DGKB: variants seen among roughly 807,000 people sequenced by gnomAD.
DGKB encodes the protein 90 kDa diacylglycerol kinase.
A neutral mutation model predicts 114.3 loss-of-function variants in DGKB; 67 were observed. That is an observed-to-expected ratio of 0.59 (90% CI 0.48 to 0.72). The LOEUF is 0.72. Ranked by LOEUF, DGKB falls within the 30% of genes least tolerant of loss-of-function variation. The probability of loss-of-function intolerance (pLI) is 0.00; values close to 1 mark genes in which losing one functional copy is unlikely to be tolerated. For missense variants in DGKB, 907 were observed against 975.2 expected (o/e 0.93, Z 0.93); for synonymous variants, 398 against 323.1 (o/e 1.23, Z -2.49).
chr7:14,339,460 A>G (rs1811251402), intron 22 of DGKB, among the ~76,000 whole-genome samples: 1 of 152,000 alleles, frequency 6.6e-6, no homozygotes, highest in Non-Finnish European at 1.5e-5. Flanking sequence ...AAGGTTAATC[A>G]GCCCAATTTT....
At chr7:14,658,228 A>C (rs1816259353) in intron 13 of DGKB, among the ~76,000 whole-genome samples, 1 of 151,972 alleles carries the variant, frequency 6.6e-6, no homozygotes, top group African/African-American at 2.4e-5. Flanking sequence ...ACAGTGAAGA[A>C]AAAAGAGATG....
intron 20 of DGKB, among the ~76,000 whole-genome samples, chr7:14,486,562 C>T (rs565426541): frequency 6.6e-6 from 1 of 152,302 alleles, no homozygotes; most frequent in African/African-American, 2.4e-5. Flanking sequence ...TGCTTTATAT[C>T]CTCTCATCTA....
chr7:14,955,314 G>A (rs1450378269), intron 1 of DGKB, among the ~76,000 whole-genome samples: 1 of 151,948 alleles, frequency 6.6e-6, no homozygotes, highest in Non-Finnish European at 1.5e-5. Flanking sequence ...CAAAATTAGT[G>A]CTTCTTAATT....
intron 2 of DGKB, among the ~76,000 whole-genome samples, chr7:14,837,038 A>C (rs1286427351): frequency 6.6e-6 from 1 of 152,172 alleles, no homozygotes; most frequent in Non-Finnish European, 1.5e-5. Flanking sequence ...CACGGCTCTC[A>C]TTACTTCATA....
rs1183502514 is a variant in DGKB at position 14,313,694 on chromosome 7, G to C, written c.2122+24821C>G. 4.5e-4 allele frequency among the ~76,000 whole-genome samples: 68 copies of C among 152,126 alleles called. 1 individual carries two copies. Among genetic ancestry groups the C allele is most frequent in the South Asian group, 4.2e-3 (20 of 4,818 alleles). ...TGAGATCAAACTGCAAGGCGGCAGC[G>C]AGGCTGGGGGAGGGGCGCCCGCCAT... On this transcript the variant is annotated intron_variant, in intron 23 of 25. Coordinates refer to ENST00000402815, the MANE Select transcript of DGKB (RefSeq NM_001350709.2).
At chr7:14,826,793 T>G (rs1023399593) in intron 2 of DGKB, among the ~76,000 whole-genome samples, 1 of 152,172 alleles carries the variant, frequency 6.6e-6, no homozygotes, top group Admixed American at 6.6e-5. Context: ...TAGTTAAAAT[T>G]TAGGCATAAT....
intron 13 of DGKB, among the ~76,000 whole-genome samples, chr7:14,648,074 G>T (rs1317953980): frequency 3.9e-5 from 6 of 152,178 alleles, no homozygotes; most frequent in African/African-American, 1.4e-4. Flanking sequence ...GGGGAGGGGC[G>T]CCCACCATTG....
chr7:14,535,988 C>T (rs755014576), intron 20 of DGKB, among the ~76,000 whole-genome samples: 35 of 151,850 alleles, frequency 2.3e-4, no homozygotes, highest in African/African-American at 6.0e-4. Flanking sequence ...ATACAACCAA[C>T]GCCACAGAAA....
intron 13 of DGKB, among the ~76,000 whole-genome samples, chr7:14,640,332 G>A (rs748663849): frequency 1.3e-4 from 20 of 152,226 alleles, no homozygotes; most frequent in South Asian, 4.1e-4. Flanking sequence ...AAGAATATAC[G>A]CATTGGGTGG....
chr7:14,231,067 ATTCTTTCTTCTTTCCCT>A (rs1366748009), intron 23 of DGKB, among the ~76,000 whole-genome samples: 36 of 150,568 alleles, frequency 2.4e-4, no homozygotes, highest in East Asian at 2.4e-3. Context: ...AAGGTTAAAA[ATTCTTTCTTCTTTCCCT>A]TTCTTTCTTT....
chr7:14,717,897 G>T (rs1828478739), intron 6 of DGKB, among the ~76,000 whole-genome samples: 1 of 152,108 alleles, frequency 6.6e-6, no homozygotes, highest in Non-Finnish European at 1.5e-5. Flanking sequence ...AATGAGTATA[G>T]TTAGCCACCA....
At chr7:14,587,351 T>C (rs1229630532) in intron 17 of DGKB, among the ~76,000 whole-genome samples, 1 of 152,068 alleles carries the variant, frequency 6.6e-6, no homozygotes, top group African/African-American at 2.4e-5. Flanking sequence ...TTGATGAGAA[T>C]TGAATTTGAA....
At chr7:14,472,198 C>T (rs1584216460) in intron 21 of DGKB, among the ~76,000 whole-genome samples, 1 of 152,268 alleles carries the variant, frequency 6.6e-6, no homozygotes, top group East Asian at 1.9e-4. Flanking sequence ...TGTTTCCCCA[C>T]CAAATCTCAT....
chr7:14,277,657 A>T (rs1344287010), intron 23 of DGKB, among the ~76,000 whole-genome samples: 1 of 152,080 alleles, frequency 6.6e-6, no homozygotes, highest in Non-Finnish European at 1.5e-5. Context: ...TTCTTTATCC[A>T]TTCATCTGTT....
intron 23 of DGKB, among the ~76,000 whole-genome samples, chr7:14,216,363 C>T (rs1171218123): frequency 6.6e-6 from 1 of 151,978 alleles, no homozygotes; most frequent in East Asian, 1.9e-4. Context: ...TGTTATATGT[C>T]ATGAGTAATA....
intron 5 of DGKB, among the ~76,000 whole-genome samples, chr7:14,729,821 G>C (rs1007664768): frequency 3.3e-5 from 5 of 151,986 alleles, no homozygotes; most frequent in African/African-American, 1.2e-4. Context: ...TGACTTTAAA[G>C]GATCCTCAGC....
In DGKB at chr7:14,238,236, C is replaced by T. The variant is rs534336907; in HGVS notation, c.2123-60085G>A. On this transcript the variant is annotated intron_variant, in intron 23 of 25. Transcript: ENST00000402815. ...GGTGATTGGATCACGGGGAGGATTT[C>T]CCCCATGCTTTCTCATGATAGTGAG... Among the ~76,000 whole-genome samples, 13 of 152,020 alleles carry T rather than the reference C, an allele frequency of 8.6e-5. No homozygotes were observed. The East Asian group carries it at 2.5e-3, about 30-fold the overall frequency.
At chr7:14,578,321 T>C (rs1430517516) in intron 19 of DGKB, among the ~76,000 whole-genome samples, 1 of 152,162 alleles carries the variant, frequency 6.6e-6, no homozygotes, top group East Asian at 1.9e-4. Flanking sequence ...AACAAACTAA[T>C]ACAAACACTG....
chr7:14,348,036 T>A (rs1332145886), intron 21 of DGKB, among the ~76,000 whole-genome samples: 2 of 151,724 alleles, frequency 1.3e-5, no homozygotes, highest in Admixed American at 1.3e-4. Context: ...AATGAAAATA[T>A]CTTGCAAACT....
Sources: allele counts gnomAD v4.1 joint callset (sites outside exome capture counted in the v4.1 genomes callset), GRCh38; gene constraint gnomAD v4.1.1; transcripts MANE v1.5; gene names NCBI Gene and HGNC (gene_info 2026-07-23, HGNC 2026-07-21).